The following PRPF40B variants were observed in gnomAD, a reference collection of about 807,000 sequenced individuals.
The protein encoded by PRPF40B is pre-mRNA processing factor 40B.
Under a neutral mutation model 124.5 loss-of-function variants are expected in PRPF40B, and 56 were observed. The ratio of observed to expected loss-of-function variants is 0.45; its 90% confidence interval spans 0.36 to 0.56. The LOEUF is 0.56. PRPF40B is among the 20% of genes least tolerant of loss of function. The probability of loss-of-function intolerance (pLI) is 0.00; values close to 1 mark genes in which losing one functional copy is unlikely to be tolerated. For synonymous variants in PRPF40B, 443 were observed against 426.4 expected (o/e 1.04, Z -0.48); for missense variants, 1,053 against 1,169.5 (o/e 0.90, Z 1.45).
chr12:49,629,199 T>C (rs2138419227), intron 1 of PRPF40B, among the ~76,000 whole-genome samples: 1 of 152,358 alleles, frequency 6.6e-6, no homozygotes, highest in Admixed American at 6.5e-5. Flanking sequence ...TTGTGTATCA[T>C]CTTTTGTCTC....
At position 49,637,747 on chromosome 12, in the gene PRPF40B, G is replaced by T; in HGVS notation, c.1690G>T (p.Asp564Tyr). 6.2e-7 allele frequency: 1 copy of T among 1,609,906 alleles called. No homozygotes were observed. The highest frequency in any genetic ancestry group is 8.5e-7 in the Non-Finnish European group (1 of 1,177,178). ...CCTCCTTACAGGCTCCACCCCTCTGGACTTATTCAAGTTCTATGTGGAGGA... is the reference window on the plus strand; with the variant it reads ...CCTCCTTACAGGCTCCACCCCTCTGTACTTATTCAAGTTCTATGTGGAGGA... ...MLGQPGSTPL[D>Y]LFKFYVEELK... Residue 564 changes from aspartate to tyrosine, a missense_variant, in exon 18 of 26, where the codon GAC becomes TAC. Asp to Tyr is a radical substitution (Grantham distance 160, BLOSUM62 -3). This residue lies in a region of PRPF40B where 895 missense variants were observed against 1,052.2 expected (regional missense o/e 0.85). Coordinates refer to ENST00000548825, the MANE Select transcript of PRPF40B (RefSeq NM_001031698.3).
chr12:49,631,617 A>T lies in PRPF40B; in HGVS notation c.228+73A>T. The T allele has an allele frequency of 6.7e-7, 1 of 1,498,730 alleles. No homozygotes were observed. The highest frequency in any genetic ancestry group is 9.0e-7 in the Non-Finnish European group (1 of 1,110,550). 92.8% of individuals were successfully genotyped at this position (1,498,730 alleles called of 1,614,324 possible). A position where few individuals can be genotyped will look rare whatever the true frequency, so the allele number is the denominator to read the frequency against. On this transcript the variant is annotated intron_variant, in intron 3 of 25. Coordinates refer to ENST00000548825, the MANE Select transcript of PRPF40B (RefSeq NM_001031698.3). This position sits in a 1 kb window ranked among gnomAD's most constrained non-coding sequence, Gnocchi z 4.3. ...GCTGGGGGTGGAGATAAGAGCGGGCATGTAGGCCTCAGAAACTGGGGAAGG... is the reference window on the plus strand; with the variant it reads ...GCTGGGGGTGGAGATAAGAGCGGGCTTGTAGGCCTCAGAAACTGGGGAAGG...
chr12:49,633,156 C>A, intron 7 of PRPF40B, 32 bp downstream of exon 7: 1 of 1,546,632 alleles, frequency 6.5e-7, no homozygotes, highest in East Asian at 2.3e-5. Flanking sequence ...CCCTTCCTTT[C>A]AGCTGCCCTG....
At chr12:49,634,696 G>A in intron 12 of PRPF40B, 94 bp downstream of exon 12, 1 of 1,491,386 alleles carries the variant, frequency 6.7e-7, no homozygotes, top group Non-Finnish European at 9.2e-7. Flanking sequence ...AGCCCTAAGG[G>A]AACCAGAGTC....
At chr12:49,638,160 G>C (rs1942103734) in intron 18 of PRPF40B, 1 of 240,800 alleles carries the variant, frequency 4.2e-6, no homozygotes, top group African/African-American at 2.3e-5. Context: ...TAAGAGCAAA[G>C]GCAAGGGGGT....
chr12:49,633,266 G>A lies in PRPF40B; in HGVS notation c.459+142G>A, dbSNP rs79464626. 153 of 1,256,976 alleles carry A rather than the reference G, an allele frequency of 1.2e-4. No homozygotes were observed. In the East Asian group the frequency reaches 3.5e-3, roughly 29 times the overall value. 77.9% of individuals were successfully genotyped at this position (1,256,976 alleles called of 1,614,324 possible). ...ACCATTCCTCACCCTCCCTGGAAAT[G>A]CCTCCATAGGATCTCAAGAAGTCCA... On this transcript the variant is annotated intron_variant, in intron 7 of 25. Transcript: ENST00000548825.
Position 49,635,255 on chromosome 12 carries a change from C to A in PRPF40B, c.1158C>A (p.Thr386=). The A allele has an allele frequency of 6.2e-7, 1 of 1,613,152 alleles. No homozygotes were observed. The highest frequency in any genetic ancestry group is 8.5e-7 in the Non-Finnish European group (1 of 1,179,496). The change falls in exon 13 of 26, where the codon ACC becomes ACA. Residue 386 remains threonine, a synonymous_variant. Transcript: ENST00000548825. This position sits in a 1 kb window ranked among gnomAD's most constrained non-coding sequence, Gnocchi z 4.1. ...AGCATGAACGCATGACCTCCACCAC[C>A]CGCTACCGGTCAGGGGGCCAGGCTG... ...LEQHERMTST[T]RYRRAEQTFG...
chr12:49,633,690 T>C, intron 9 of PRPF40B, 29 bp downstream of exon 9: 4 of 1,614,116 alleles, frequency 2.5e-6, no homozygotes, highest in South Asian at 1.1e-5. Context: ...TATCCATTTA[T>C]AGTTGGGGCA....
chr12:49,641,609 C>A, intron 18 of PRPF40B: 1 of 371,338 alleles, frequency 2.7e-6, no homozygotes, highest in South Asian at 4.0e-5. Context: ...CCAGCTGGGG[C>A]CAGAGCTTTA....
At position 49,635,267 on chromosome 12, in the gene PRPF40B, A is replaced by G; in HGVS notation, c.1166+4A>G. 1 of 1,612,490 alleles carries G rather than the reference A, an allele frequency of 6.2e-7. No homozygotes were observed. The highest frequency in any genetic ancestry group is 8.5e-7 in the Non-Finnish European group (1 of 1,179,162). On this transcript the variant is annotated splice_donor_region_variant and intron_variant, in intron 13 of 25. Coordinates refer to ENST00000548825, the MANE Select transcript of PRPF40B (RefSeq NM_001031698.3). The surrounding 1 kb of genome is among the most constrained non-coding windows in gnomAD (Gnocchi z 4.1). ...TGACCTCCACCACCCGCTACCGGTC[A>G]GGGGGCCAGGCTGGGCTGGGACTTG...
upstream of PRPF40B, chr12:49,622,722 A>G (rs1389889859): frequency 6.6e-6 from 1 of 152,266 alleles, no homozygotes; most frequent in Non-Finnish European, 1.5e-5. Flanking sequence ...GCATCACGCG[A>G]GTCCCGGCTC....
intron 1 of PRPF40B, among the ~76,000 whole-genome samples, chr12:49,626,162 C>T (rs537772880): frequency 6.6e-6 from 1 of 152,340 alleles, no homozygotes; most frequent in Non-Finnish European, 1.5e-5. Flanking sequence ...AGAATTTATA[C>T]AGATGTACAT....
Position 49,642,892 on chromosome 12 carries a change from T to G in PRPF40B, c.2119-38T>G. 6.3e-7 allele frequency: 1 copy of G among 1,588,300 alleles called. No individual in the cohort carries two copies. The highest frequency in any genetic ancestry group is 1.1e-5 in the South Asian group (1 of 88,116). ...GTAGGATCCTTCCTGGGGCTAAGTC[T>G]GGTGCTGTCCTCACCCTTCTTCCTC... On this transcript the variant is annotated intron_variant, in intron 21 of 25. Coordinates refer to ENST00000548825, the MANE Select transcript of PRPF40B (RefSeq NM_001031698.3). The surrounding 1 kb of genome is among the most constrained non-coding windows in gnomAD (Gnocchi z 5.8).
In PRPF40B at chr12:49,634,173, C is replaced by T. The variant is rs1941515914; in HGVS notation, c.812+81C>T. 4.9e-5 allele frequency: 78 copies of T among 1,576,590 alleles called. No individual in the cohort carries two copies. The South Asian group carries it at 9.0e-4, about 18-fold the overall frequency. ...TCAACCCTTGTCCTCTGCTGGGCCT[C>T]TCTCTCAGGAGGGGTTTGAAGATCT... On this transcript the variant is annotated intron_variant, in intron 10 of 25. Coordinates refer to ENST00000548825, the MANE Select transcript of PRPF40B (RefSeq NM_001031698.3).
rs563460915 is a variant in PRPF40B at position 49,632,863 on chromosome 12, G to T, written c.331G>T (p.Ala111Ser). ...CTTTGGCTTTTTTCTAGCTGCTGTGGCTGGGACAGGCCCTCCGGTGAGTTC... is the reference window on the plus strand; with the variant it reads ...CTTTGGCTTTTTTCTAGCTGCTGTGTCTGGGACAGGCCCTCCGGTGAGTTC... Reference protein sequence around the residue: ...PGADTASSAVAGTGPPRALWS... With the variant: ...PGADTASSAVSGTGPPRALWS... The change falls in exon 6 of 26, where the codon GCT (alanine) becomes TCT (serine). Residue 111 changes from alanine (A) to serine (S), a missense_variant. Physicochemically the swap from Ala to Ser is moderately conservative, Grantham distance 99 (BLOSUM62 1). This residue lies in a region of PRPF40B where 895 missense variants were observed against 1,052.2 expected (regional missense o/e 0.85). Transcript: ENST00000548825. 2 of 1,613,846 alleles carry T rather than the reference G, an allele frequency of 1.2e-6. No homozygotes were observed. The highest frequency in any genetic ancestry group is 2.2e-5 in the South Asian group (2 of 91,070).
chr12:49,623,101 A>G (rs947867721), upstream of PRPF40B, among the ~76,000 whole-genome samples: 18 of 151,056 alleles, frequency 1.2e-4, no homozygotes, highest in African/African-American at 4.4e-4. Context: ...TCCCTGAGAC[A>G]GACCCTGCCA....
At position 49,636,717 on chromosome 12, in the gene PRPF40B, C is replaced by T. The variant is rs1432993695; in HGVS notation, c.1428C>T (p.Asn476=). 3.1e-6 allele frequency: 5 copies of T among 1,613,964 alleles called. No homozygotes were observed. The highest frequency in any genetic ancestry group is 4.5e-5 in the East Asian group (2 of 44,888). ...PSFAQDHQLQ[N]MDKEDALICF... is the part of the protein sequence containing the mutation. ...GCGGAACCTCCTGCCTGTCTTTAGACATGGACAAGGAAGATGCACTGATCT... is the reference window on the plus strand; with the variant it reads ...GCGGAACCTCCTGCCTGTCTTTAGATATGGACAAGGAAGATGCACTGATCT... Residue 476 remains asparagine (N), a splice_region_variant and synonymous_variant, in exon 16 of 26, where the codon AAC becomes AAT. Transcript: ENST00000548825.
In PRPF40B at chr12:49,633,531, T is replaced by C. The variant is rs753372496; in HGVS notation, c.564T>C (p.Asp188=). 11 of 1,614,104 alleles carry C rather than the reference T, an allele frequency of 6.8e-6. No homozygotes were observed. Among genetic ancestry groups the C allele is most frequent in the Non-Finnish European group, 7.6e-6 (9 of 1,180,050 alleles). Residue 188 remains aspartate (D), a synonymous_variant, in exon 8 of 26, where the codon GAT becomes GAC. Transcript: ENST00000548825. ...AGTCCCGCTGGACCCGGCCCAAGGA[T>C]CTGGATGACCTAGAGGGTGAGATGT... ...SKESRWTRPK[D]LDDLEVLVKQ...
intron 1 of PRPF40B, 44 bp downstream of exon 1, chr12:49,623,637 C>T: frequency 8.1e-7 from 1 of 1,230,134 alleles, no homozygotes; most frequent in Non-Finnish European, 1.0e-6. Context: ...GGCGGTCCCA[C>T]AGCGCCCCCT....
Sources: allele counts gnomAD v4.1 joint callset (sites outside exome capture counted in the v4.1 genomes callset), GRCh38; gene constraint gnomAD v4.1.1; regional missense constraint gnomAD v4.1.1; non-coding constraint Gnocchi (gnomAD v3.1); transcripts MANE v1.5; gene names NCBI Gene and HGNC (gene_info 2026-07-23, HGNC 2026-07-21).